Variants in GRXCR2 observed in about 807,000 individuals in gnomAD.
The protein encoded by GRXCR2 is glutaredoxin domain-containing cysteine-rich protein 2.
In GRXCR2, 23 loss-of-function variants were observed where a neutral mutation model predicts 24.8. The observed-to-expected ratio is 0.93, with a 90% CI of 0.67 to 1.32. GRXCR2 has a LOEUF of 1.32. Among genes scored for constraint, GRXCR2 ranks in the 40% most tolerant of loss-of-function variants. GRXCR2 has a pLI of 0.00. For missense variants in GRXCR2, 315 were observed against 303.4 expected (o/e 1.04, Z -0.28); for synonymous variants, 130 against 116.1 (o/e 1.12, Z -0.77).
chr5:145,866,090 C>T (rs747791679), intron 2 of GRXCR2, among the ~76,000 whole-genome samples: 6 of 148,238 alleles, frequency 4.0e-5, no homozygotes, highest in Admixed American at 2.7e-4. Context: ...GCAAAGATCA[C>T]GCCATTGAGA....
At chr5:145,922,969 T>C (rs1212738960) in intron 2 of GRXCR2, among the ~76,000 whole-genome samples, 1 of 152,210 alleles carries the variant, frequency 6.6e-6, no homozygotes, top group African/African-American at 2.4e-5. Context: ...CCTTCAAACA[T>C]AAAGCAATGT....
At chr5:145,865,445 T>C (rs921888729) in intron 2 of GRXCR2, among the ~76,000 whole-genome samples, 5 of 152,192 alleles carry the variant, frequency 3.3e-5, no homozygotes, top group African/African-American at 9.7e-5. Context: ...GAGGAAAACA[T>C]TGGAATATTC....
Position 145,872,889 on chromosome 5 carries a change from T to TA in GRXCR2, c.79dup (p.Tyr27LeufsTer11). On this transcript the variant is annotated frameshift_variant, in exon 1 of 3. Coordinates refer to ENST00000377976, the MANE Select transcript of GRXCR2 (RefSeq NM_001080516.2). LOFTEE classifies it high-confidence loss of function. Reference sequence around the variant, plus strand: ...GACCTGCTTCAATACTCGACCGCTGTAGGAGGAGGAGATTTTAAATCGTAC... The same window carrying TA: ...GACCTGCTTCAATACTCGACCGCTGTAAGGAGGAGGAGATTTTAAATCGTAC... 1 of 1,614,190 alleles carries TA rather than the reference T, an allele frequency of 6.2e-7. No individual in the cohort carries two copies. The highest frequency in any genetic ancestry group is 1.3e-5 in the African/African-American group (1 of 75,058).
intron 2 of GRXCR2, among the ~76,000 whole-genome samples, chr5:145,921,162 G>A (rs1461810566): frequency 1.3e-5 from 2 of 152,174 alleles, no homozygotes; most frequent in African/African-American, 4.8e-5. Flanking sequence ...TATCAGGTAG[G>A]TAAGCAATTT....
At chr5:145,925,859 C>T (rs1757387199) in intron 2 of GRXCR2, among the ~76,000 whole-genome samples, 1 of 152,094 alleles carries the variant, frequency 6.6e-6, no homozygotes, top group Non-Finnish European at 1.5e-5. Context: ...TTTGTTTCTC[C>T]TGTATTTCAC....
chr5:145,892,714 T>C (rs534398946), intron 2 of GRXCR2, among the ~76,000 whole-genome samples: 2 of 152,198 alleles, frequency 1.3e-5, no homozygotes, highest in Non-Finnish European at 2.9e-5. Flanking sequence ...CTCTGCAGGA[T>C]ATTATCCAGG....
At chr5:145,930,287 G>A (rs776325544) in intron 2 of GRXCR2, among the ~76,000 whole-genome samples, 7 of 151,984 alleles carry the variant, frequency 4.6e-5, no homozygotes, top group South Asian at 2.1e-4. Flanking sequence ...GTTTTGCCAC[G>A]TTGCCCAGGC....
Position 145,866,571 on chromosome 5 carries a change from C to T in GRXCR2, c.494G>A (p.Gly165Glu). 6.2e-7 allele frequency: 1 copy of T among 1,614,144 alleles called. No individual in the cohort carries two copies. The highest frequency in any genetic ancestry group is 8.5e-7 in the Non-Finnish European group (1 of 1,180,010). The part of the protein sequence containing the change: ...ESLMNKEESY[G>E]GRDQHDRPLV... ...AGGTCTATCGTGCTGGTCCCTGCCT[C>T]CATAGCTTTCTTCTTTGTTCATCAG... The change falls in exon 2 of 3, where the codon GGA becomes GAA. Residue 165 changes from glycine to glutamate, a missense_variant. Physicochemically the swap from Gly to Glu is moderately conservative, Grantham distance 98. Coordinates refer to ENST00000377976, the MANE Select transcript of GRXCR2 (RefSeq NM_001080516.2).
rs2149907370 is a variant in GRXCR2 at position 145,859,902 on chromosome 5, G to A, written c.578C>T (p.Pro193Leu). 6.3e-7 allele frequency: 1 copy of A among 1,578,702 alleles called. No homozygotes were observed. The highest frequency in any genetic ancestry group is 8.6e-7 in the Non-Finnish European group (1 of 1,162,030). ...TCGGCAGTGAAAACAGCTGTCCTCG[G>A]GAATATCCCCTTCCTGCAAGAGACA... ...QNRYTQEGDI[P>L]EDSCFHCRGS... Residue 193 changes from proline to leucine, a missense_variant, in exon 3 of 3, where the codon CCC (proline) becomes CTC (leucine). Pro to Leu is a moderately conservative substitution (Grantham distance 98). Coordinates refer to ENST00000377976, the MANE Select transcript of GRXCR2 (RefSeq NM_001080516.2).
chr5:145,862,133 C>G (rs1756348932), intron 2 of GRXCR2, among the ~76,000 whole-genome samples: 1 of 152,130 alleles, frequency 6.6e-6, no homozygotes, highest in South Asian at 2.1e-4. Flanking sequence ...TGTACTTCAT[C>G]CCAGTGAGAT....
intron 2 of GRXCR2, among the ~76,000 whole-genome samples, chr5:145,931,182 CCACCATACT>C (rs1277225818): frequency 6.6e-6 from 1 of 152,144 alleles, no homozygotes; most frequent in Non-Finnish European, 1.5e-5. Flanking sequence ...TAGGCATGTG[CCACCATACT>C]CAGTTAATTT....
chr5:145,861,841 C>T (rs568567818), intron 2 of GRXCR2, among the ~76,000 whole-genome samples: 32 of 152,218 alleles, frequency 2.1e-4, no homozygotes, highest in Admixed American at 1.8e-3. Context: ...GGGAGGCATA[C>T]GTTTTGAAAA....
At chr5:145,879,007 A>C (rs1034559468) in intron 2 of GRXCR2, among the ~76,000 whole-genome samples, 17 of 152,346 alleles carry the variant, frequency 1.1e-4, no homozygotes, top group Admixed American at 1.1e-3. Flanking sequence ...AGATTTTGTC[A>C]CTACCAAGCC....
At chr5:145,876,191 G>GTGTGTATATA (rs1412232264), upstream of GRXCR2, among the ~76,000 whole-genome samples, 13 of 105,312 alleles carry the variant, frequency 1.2e-4, no homozygotes, top group East Asian at 5.3e-4. Flanking sequence ...GTGTGTGTGT[G>GTGTGTATATA]TATATATATA....
rs147748253 is a variant in GRXCR2 at position 145,913,126 on chromosome 5, G to A, written c.-70+22575C>T. Among the ~76,000 whole-genome samples the A allele has an allele frequency of 3.4e-3, 511 of 152,272 alleles. 5 individuals carry two copies. Among genetic ancestry groups the A allele is most frequent in the African/African-American group, 0.011 (477 of 41,546 alleles). On this transcript the variant is annotated intron_variant, in intron 2 of 3. Coordinates refer to the GRXCR2 transcript ENST00000639411. The stretch of plus-strand genomic sequence containing the variant: ...TGCCCCTCACCCAATTCCTGCCATC[G>A]TTAACATCTACATGGTACATTCATC...
intron 2 of GRXCR2, among the ~76,000 whole-genome samples, chr5:145,863,608 G>T (rs937035997): frequency 6.6e-6 from 1 of 152,162 alleles, no homozygotes; most frequent in African/African-American, 2.4e-5. Flanking sequence ...ATAGTGGGAA[G>T]GTAGCGCTTT....
intron 2 of GRXCR2, among the ~76,000 whole-genome samples, chr5:145,907,950 G>C (rs1274661528): frequency 6.6e-6 from 1 of 152,154 alleles, no homozygotes; most frequent in African/African-American, 2.4e-5. Context: ...TGGAGACACG[G>C]AGTAGGTGGT....
At chr5:145,906,355 A>AAT in intron 2 of GRXCR2, among the ~76,000 whole-genome samples, 1 of 152,248 alleles carries the variant, frequency 6.6e-6, no homozygotes, top group Non-Finnish European at 1.5e-5. Context: ...TGTTAAAAAA[A>AAT]AAAAGGGGGG....
intron 2 of GRXCR2, among the ~76,000 whole-genome samples, chr5:145,880,716 G>C (rs1351077713): frequency 2.0e-5 from 3 of 152,160 alleles, no homozygotes; most frequent in South Asian, 2.1e-4. Flanking sequence ...GGCTGGCAGA[G>C]ACACAACAAG....
Sources: gnomAD v4.1 joint callset for allele counts (sites outside exome capture counted in the v4.1 genomes callset) on GRCh38, gnomAD v4.1.1 for gene constraint, MANE v1.5 for transcripts, NCBI Gene and HGNC (gene_info 2026-07-23, HGNC 2026-07-21) for gene names.